Variants in PRKDC observed in about 807,000 individuals in gnomAD.
PRKDC encodes protein kinase, DNA-activated, catalytic subunit, also known as DNA-dependent protein kinase catalytic subunit.
A neutral mutation model predicts 486.9 loss-of-function variants in PRKDC; 82 were observed. That is an observed-to-expected ratio of 0.17 (90% CI 0.14 to 0.20). The LOEUF (loss-of-function observed/expected upper bound fraction) is 0.20, where lower values mean the gene tolerates loss of function less well. Ranked by LOEUF, PRKDC falls within the 10% of genes least tolerant of loss-of-function variation. The pLI is 1.00. For missense variants in PRKDC, 4,504 were observed against 5,038.2 expected (o/e 0.89, Z 3.21); for synonymous variants, 1,895 against 1,837.0 (o/e 1.03, Z -0.81).
intron 32 of PRKDC, 113 bp downstream of exon 32, chr8:47,890,129 TATAATAATAATAATA>T (rs36103307): frequency 1.1e-5 from 4 of 361,806 alleles, no homozygotes; most frequent in African/African-American, 4.5e-5. Flanking sequence ...GAGGATGAAA[TATAATAATAATAATA>T]ATAATAATAA....
intron 10 of PRKDC, among the ~76,000 whole-genome samples, chr8:47,940,529 C>T (rs1294574829): frequency 1.3e-5 from 2 of 152,190 alleles, no homozygotes. Context: ...GGGAACTTTG[C>T]TCCTTATTTG....
chr8:47,819,251 G>A, intron 67 of PRKDC, 151 bp downstream of exon 67: 1 of 533,756 alleles, frequency 1.9e-6, no homozygotes, highest in Non-Finnish European at 3.3e-6. Flanking sequence ...TTATTTCAAT[G>A]ATCTGAAAAT....
At chr8:47,951,086 G>C (rs530784682) in intron 7 of PRKDC, among the ~76,000 whole-genome samples, 8 of 152,200 alleles carry the variant, frequency 5.3e-5, no homozygotes, top group African/African-American at 1.9e-4. Flanking sequence ...AATGAGAGAA[G>C]GGCCAGGTGC....
At chr8:47,889,491 G>A (rs1489976205) in intron 32 of PRKDC, among the ~76,000 whole-genome samples, 2 of 152,244 alleles carry the variant, frequency 1.3e-5, no homozygotes, top group Non-Finnish European at 2.9e-5. Flanking sequence ...CTACGGAGCA[G>A]GCAGCAGGTG....
At chr8:47,857,611 G>A (rs2088573641) in intron 48 of PRKDC, among the ~76,000 whole-genome samples, 1 of 152,128 alleles carries the variant, frequency 6.6e-6, no homozygotes, top group Non-Finnish European at 1.5e-5. Flanking sequence ...GCCTGGACCA[G>A]GCTCTCTCAT....
intron 84 of PRKDC, among the ~76,000 whole-genome samples, chr8:47,777,211 A>G (rs1266206787): frequency 6.6e-6 from 1 of 150,402 alleles, no homozygotes; most frequent in Non-Finnish European, 1.5e-5. Context: ...TTTGCCTGTT[A>G]ATTTTTTTTT....
In PRKDC at chr8:47,912,411, T is replaced by C; in HGVS notation, c.2933A>G (p.Gln978Arg). Reference protein sequence around the residue: ...VLLRLACDVDQVTRQLYEPLV... With the variant: ...VLLRLACDVDRVTRQLYEPLV... ...CTATTTCAGATTCAAAGCCCTTACCTGATCAACATCACACGCAAGTCGAAG... is the reference window on the plus strand; with the variant it reads ...CTATTTCAGATTCAAAGCCCTTACCCGATCAACATCACACGCAAGTCGAAG... The change falls in exon 25 of 86, where the codon CAG becomes CGG. Residue 978 changes from glutamine (Q) to arginine (R), a missense_variant and splice_region_variant. Physicochemically the swap from Gln to Arg is conservative, Grantham distance 43. This residue lies in a region of PRKDC where 1,969 missense variants were observed against 2,068.9 expected (regional missense o/e 0.95). Coordinates refer to ENST00000314191, the MANE Select transcript of PRKDC (RefSeq NM_006904.7). 2 of 1,572,176 alleles carry C rather than the reference T, an allele frequency of 1.3e-6. No individual in the cohort carries two copies. The highest frequency in any genetic ancestry group is 1.7e-6 in the Non-Finnish European group (2 of 1,157,540).
chr8:47,951,156 T>G (rs2090619042), intron 7 of PRKDC, among the ~76,000 whole-genome samples: 1 of 152,040 alleles, frequency 6.6e-6, no homozygotes, highest in Admixed American at 6.6e-5. Flanking sequence ...ATCTCTTGGT[T>G]GGAGACCAGC....
chr8:47,884,841 A>G (rs1254037866), intron 36 of PRKDC, among the ~76,000 whole-genome samples: 1 of 151,968 alleles, frequency 6.6e-6, no homozygotes. Context: ...TCAACTATAT[A>G]TTAAATACTG....
intron 64 of PRKDC, among the ~76,000 whole-genome samples, chr8:47,822,821 T>C (rs769731174): frequency 6.6e-5 from 10 of 152,050 alleles, no homozygotes; most frequent in South Asian, 2.1e-4. Context: ...GGACTGCTCA[T>C]TGAAGAGTCT....
rs1035214725 is a variant in PRKDC at position 47,900,531 on chromosome 8, G to C, written c.3270-64C>G. 24 of 1,403,928 alleles carry C rather than the reference G, an allele frequency of 1.7e-5. No homozygotes were observed. In the South Asian group the frequency reaches 2.6e-4, roughly 15 times the overall value. The allele number at this position is 1,403,928 out of a possible 1,614,324, so 87.0% of individuals were successfully genotyped here. A position where few individuals can be genotyped will look rare whatever the true frequency, so the allele number is the denominator to read the frequency against. ...AATAAAGCAGAAAGGACAAAGAAAAGAAGGAATGGAATTAAAGAAGGCACA... is the reference window on the plus strand; with the variant it reads ...AATAAAGCAGAAAGGACAAAGAAAACAAGGAATGGAATTAAAGAAGGCACA... On this transcript the variant is annotated intron_variant, in intron 27 of 85. Transcript: ENST00000314191.
intron 7 of PRKDC, among the ~76,000 whole-genome samples, chr8:47,950,109 TA>T (rs1278228166): frequency 6.6e-6 from 1 of 151,174 alleles, no homozygotes; most frequent in Non-Finnish European, 1.5e-5. Context: ...CCATCTTTAC[TA>T]AAAATACAAA....
intron 43 of PRKDC, 43 bp from the exon 44 acceptor site, chr8:47,862,170 G>T: frequency 6.7e-7 from 1 of 1,491,402 alleles, no homozygotes; most frequent in East Asian, 2.5e-5. Context: ...GAATGGTGAA[G>T]ATCCTCATAA....
intron 36 of PRKDC, among the ~76,000 whole-genome samples, chr8:47,882,441 C>T (rs945680201): frequency 2.6e-5 from 4 of 151,836 alleles, no homozygotes; most frequent in African/African-American, 9.7e-5. Context: ...CACAAGCACA[C>T]AAATATGCAC....
At position 47,773,276 on chromosome 8, in the gene PRKDC, A is replaced by G. The variant is rs2086552251; in HGVS notation, c.*897T>C. ...TGGCGGGGGGGGACAGGGACTGCAC[A>G]TGGGAAGGAGCCACTTTTGTATTCC... On this transcript the variant is annotated 3_prime_UTR_variant, in exon 86 of 86. Transcript: ENST00000314191. 1 of 227,326 alleles carries G rather than the reference A, an allele frequency of 4.4e-6. No homozygotes were observed. The highest frequency in any genetic ancestry group is 2.2e-5 in the African/African-American group (1 of 44,882). 14.1% of individuals were successfully genotyped at this position (227,326 alleles called of 1,614,324 possible).
chr8:47,939,838 T>G, intron 10 of PRKDC, 141 bp from the exon 11 acceptor site: 1 of 714,308 alleles, frequency 1.4e-6, no homozygotes, highest in Non-Finnish European at 2.1e-6. Flanking sequence ...TAAAGACCCT[T>G]TGCTTCCATT....
chr8:47,955,994 A>C, intron 3 of PRKDC, 46 bp from the exon 4 acceptor site: 1 of 1,363,816 alleles, frequency 7.3e-7, no homozygotes, highest in African/African-American at 1.5e-5. Flanking sequence ...TAAGATATAA[A>C]AACTAAGACT....
intron 46 of PRKDC, among the ~76,000 whole-genome samples, 199 bp from the exon 47 acceptor site, chr8:47,859,185 T>C (rs2088616405): frequency 2.0e-5 from 3 of 152,350 alleles, no homozygotes; most frequent in Middle Eastern, 3.4e-3. Flanking sequence ...GCATCCCAAG[T>C]ACATAGTCCC....
At chr8:47,906,634 A>G (rs1177836581) in intron 25 of PRKDC, among the ~76,000 whole-genome samples, 2 of 151,060 alleles carry the variant, frequency 1.3e-5, no homozygotes, top group South Asian at 4.2e-4. Context: ...AAAAAAAAAA[A>G]AGTAAAATGC....
Sources: gnomAD v4.1 joint callset for allele counts (sites outside exome capture counted in the v4.1 genomes callset) on GRCh38, gnomAD v4.1.1 for gene constraint, gnomAD v4.1.1 regional missense constraint, MANE v1.5 for transcripts, NCBI Gene and HGNC (gene_info 2026-07-23, HGNC 2026-07-21) for gene names.